MBTPS1: variants seen among roughly 807,000 people sequenced by gnomAD.
MBTPS1 encodes the protein membrane bound transcription factor peptidase, site 1, also known as membrane-bound transcription factor site-1 protease.
A neutral mutation model predicts 127.8 loss-of-function variants in MBTPS1; 94 were observed. The ratio of observed to expected loss-of-function variants is 0.74; its 90% confidence interval spans 0.62 to 0.87. The LOEUF is 0.87. MBTPS1 is among the 40% of genes least tolerant of loss of function. The pLI, the probability that MBTPS1 is intolerant of heterozygous loss-of-function variation, is 0.00. For synonymous variants in MBTPS1, 632 were observed against 509.4 expected, an observed-to-expected ratio of 1.24 and a Z score of -3.24; for missense variants, 1,636 against 1,353.2, an observed-to-expected ratio of 1.21 and a Z score of -3.28.
chr16:84,077,613 T>C (rs1156818011), intron 11 of MBTPS1, among the ~76,000 whole-genome samples: 2 of 152,146 alleles, frequency 1.3e-5, no homozygotes, highest in African/African-American at 4.8e-5. Context: ...TCAAGGAATT[T>C]CAAGTAAATA....
intron 21 of MBTPS1, 53 bp from the exon 22 acceptor site, chr16:84,056,188 G>C (rs2085519696): frequency 6.7e-7 from 1 of 1,488,180 alleles, no homozygotes; most frequent in South Asian, 1.1e-5. Context: ...TACTAGTCTA[G>C]GTACTAGTCT....
In MBTPS1 at chr16:84,093,762, T is replaced by C; in HGVS notation, c.685A>G (p.Lys229Glu). 6.2e-7 allele frequency: 1 copy of C among 1,614,206 alleles called. No homozygotes were observed. The highest frequency in any genetic ancestry group is 8.5e-7 in the Non-Finnish European group (1 of 1,180,020). The change falls in exon 5 of 23, where the codon AAA (lysine) becomes GAA (glutamate). Residue 229 changes from lysine to glutamate, a missense_variant. Physicochemically the swap from Lys to Glu is moderately conservative, Grantham distance 56. Transcript: ENST00000343411. ...CAGTTGGTTCTCTCCTTCACATTTT[T>C]GAAGTGGGGATGCTTCTCGCTCAGC... ...TGLSEKHPHF[K>E]NVKERTNWTN... is the part of the protein sequence containing the mutation.
Position 84,054,637 on chromosome 16 carries a change from G to A in MBTPS1, c.2971C>T (p.Pro991Ser). Residue 991 changes from proline (P) to serine (S), a missense_variant, in exon 23 of 23, where the codon CCT becomes TCT. By Grantham distance (74) the Pro-to-Ser change is moderately conservative. Transcript: ENST00000343411. ...GAWDIPGGIMPGRYNQEVGQT... is the reference protein window; with the variant it reads ...GAWDIPGGIMSGRYNQEVGQT... ...CCCACCTCCTGGTTGTAGCGGCCAG[G>A]CATGATCCCTGTAAGAGGACAGCCG... 3 of 1,599,966 alleles carry A rather than the reference G, an allele frequency of 1.9e-6. No individual in the cohort carries two copies. Among genetic ancestry groups the A allele is most frequent in the South Asian group, 1.1e-5 (1 of 89,666 alleles).
In MBTPS1 at chr16:84,066,504, G is replaced by C. The variant is rs934016568; in HGVS notation, c.2338C>G (p.Leu780Val). ...SDGLYEGEFT[L>V]ANHDMYYASG... ...AGAGCCTTACTGTCATGGTTGGCCA[G>C]GGTGAACTCCCCTTCATACAGGCCA... The change falls in exon 17 of 23, where the codon CTG becomes GTG. Residue 780 changes from leucine (L) to valine (V), a missense_variant. Transcript: ENST00000343411. 3 of 1,614,032 alleles carry C rather than the reference G, an allele frequency of 1.9e-6. No individual in the cohort carries two copies. The highest frequency in any genetic ancestry group is 2.2e-5 in the East Asian group (1 of 44,872).
chr16:84,071,379 A>C (rs1354935074), intron 12 of MBTPS1, among the ~76,000 whole-genome samples: 9 of 152,232 alleles, frequency 5.9e-5, no homozygotes, highest in African/African-American at 2.2e-4. Context: ...GACGAATCTA[A>C]ATTACTCATT....
At chr16:84,106,487 A>C (rs1209845316) in intron 1 of MBTPS1, among the ~76,000 whole-genome samples, 3 of 152,154 alleles carry the variant, frequency 2.0e-5, no homozygotes, top group Non-Finnish European at 4.4e-5. Context: ...TGGGAAAGCA[A>C]GTGAAAAGGC....
rs1452685973 is a variant in MBTPS1, at chr16:84,102,069, C to T, written c.-286G>A. The T allele has an allele frequency of 9.9e-6, 3 of 301,720 alleles. No individual in the cohort carries two copies. The highest frequency in any genetic ancestry group is 1.2e-4 in the East Asian group (2 of 16,194). The allele number at this position is 301,720 out of a possible 1,614,324, so 18.7% of individuals were successfully genotyped here. ...TACTCCATTTGTACCACAGAACCAA[C>T]GTCCAATGGGGTTGATCAATCAACC... On this transcript the variant is annotated 5_prime_UTR_variant, in exon 2 of 23. Coordinates refer to ENST00000343411, the MANE Select transcript of MBTPS1 (RefSeq NM_003791.4).
intron 1 of MBTPS1, among the ~76,000 whole-genome samples, chr16:84,106,265 A>T (rs2086322506): frequency 6.6e-6 from 1 of 152,218 alleles, no homozygotes; most frequent in South Asian, 2.1e-4. Flanking sequence ...ACTACACTCC[A>T]GCCTGGGCAA....
intron 21 of MBTPS1, chr16:84,057,558 G>A (rs1328572585): frequency 6.6e-6 from 1 of 152,256 alleles, no homozygotes; most frequent in African/African-American, 2.4e-5. Flanking sequence ...GGCACCTGAT[G>A]CCAACGAAGA....
intron 1 of MBTPS1, among the ~76,000 whole-genome samples, chr16:84,111,916 T>G (rs1353889931): frequency 6.9e-6 from 1 of 144,156 alleles, no homozygotes; most frequent in Non-Finnish European, 1.5e-5. Context: ...AAAAAAAAAA[T>G]GCAGCTGGGT....
intron 12 of MBTPS1, among the ~76,000 whole-genome samples, chr16:84,072,951 C>A (rs1351936423): frequency 6.6e-6 from 1 of 152,108 alleles, no homozygotes; most frequent in African/African-American, 2.4e-5. Flanking sequence ...GGGAGCAAAT[C>A]CAGGGAGTTT....
chr16:84,102,971 T>C (rs898839221), intron 1 of MBTPS1, among the ~76,000 whole-genome samples: 10 of 152,184 alleles, frequency 6.6e-5, no homozygotes, highest in Non-Finnish European at 7.3e-5. Flanking sequence ...TGGAGTGACA[T>C]GAGAAGACAG....
At chr16:84,062,922 G>A (rs1405603765) in intron 19 of MBTPS1, among the ~76,000 whole-genome samples, 4 of 152,172 alleles carry the variant, frequency 2.6e-5, no homozygotes, top group Admixed American at 6.6e-5. Context: ...ACCAGAGAAG[G>A]GCGCCCCCTC....
At chr16:84,107,550 T>C (rs2086341471) in intron 1 of MBTPS1, among the ~76,000 whole-genome samples, 1 of 152,328 alleles carries the variant, frequency 6.6e-6, no homozygotes, top group Admixed American at 6.5e-5. Context: ...CTGAGGTTTC[T>C]ATAGTTTCCC....
At chr16:84,063,997 G>C (rs1347790035) in intron 18 of MBTPS1, among the ~76,000 whole-genome samples, 3 of 152,154 alleles carry the variant, frequency 2.0e-5, no homozygotes, top group East Asian at 1.9e-4. Flanking sequence ...ATTTCACAAA[G>C]ACACATGTTC....
chr16:84,077,432 T>C (rs776072354), intron 11 of MBTPS1, among the ~76,000 whole-genome samples: 11 of 152,080 alleles, frequency 7.2e-5, no homozygotes, highest in Non-Finnish European at 1.2e-4. Flanking sequence ...AGCTCAGGGA[T>C]AGACATAATA....
At chr16:84,074,157 C>G (rs973579247) in intron 12 of MBTPS1, among the ~76,000 whole-genome samples, 4 of 152,058 alleles carry the variant, frequency 2.6e-5, no homozygotes, top group African/African-American at 9.7e-5. Flanking sequence ...TAATTTATAC[C>G]CTGACTTATT....
intron 18 of MBTPS1, among the ~76,000 whole-genome samples, 173 bp from the exon 19 acceptor site, chr16:84,063,618 G>T (rs1027930162): frequency 6.6e-6 from 1 of 152,166 alleles, no homozygotes; most frequent in African/African-American, 2.4e-5. Flanking sequence ...TTTTAGAATA[G>T]AAATGTCTTA....
chr16:84,113,925 C>G (rs2086432619), intron 1 of MBTPS1, among the ~76,000 whole-genome samples: 1 of 151,526 alleles, frequency 6.6e-6, no homozygotes, highest in African/African-American at 2.4e-5. Context: ...TCATGCCAGA[C>G]CAAACTATGG....
Sources: allele counts gnomAD v4.1 joint callset (sites outside exome capture counted in the v4.1 genomes callset), GRCh38; gene constraint gnomAD v4.1.1; transcripts MANE v1.5; gene names NCBI Gene and HGNC (gene_info 2026-07-23, HGNC 2026-07-21).